ABCC4: variants seen among roughly 807,000 people sequenced by gnomAD.
ABCC4 encodes the protein ATP-binding cassette sub-family C member 4.
In ABCC4, 102 loss-of-function variants were observed where a neutral mutation model predicts 168.5. The ratio of observed to expected loss-of-function variants is 0.61; its 90% CI spans 0.52 to 0.71. The LOEUF is 0.71. ABCC4 is among the 30% of genes least tolerant of loss of function. The probability of loss-of-function intolerance (pLI) is 0.00; values close to 1 mark genes in which losing one functional copy is unlikely to be tolerated. For synonymous variants in ABCC4, 617 were observed against 590.7 expected (o/e 1.04, Z -0.65); for missense variants, 1,402 against 1,605.8 (o/e 0.87, Z 2.17).
At chr13:95,280,692 T>G (rs1367208724) in intron 1 of ABCC4, among the ~76,000 whole-genome samples, 1 of 151,890 alleles carries the variant, frequency 6.6e-6, no homozygotes, top group Admixed American at 6.6e-5. Context: ...TCATCCTTCC[T>G]GGAAGGGACT....
At chr13:95,189,496 A>G (rs2038188659) in intron 9 of ABCC4, among the ~76,000 whole-genome samples, 2 of 152,132 alleles carry the variant, frequency 1.3e-5, no homozygotes, top group South Asian at 4.1e-4. Flanking sequence ...TGGTTTTAAT[A>G]TTCTATTTCA....
chr13:95,189,734 A>G (rs1224542700), intron 9 of ABCC4, among the ~76,000 whole-genome samples: 1 of 152,154 alleles, frequency 6.6e-6, no homozygotes, highest in Admixed American at 6.5e-5. Flanking sequence ...CAATAACCAA[A>G]AACTGAAGAA....
At chr13:95,295,028 A>T (rs1304277072) in intron 1 of ABCC4, among the ~76,000 whole-genome samples, 1 of 152,188 alleles carries the variant, frequency 6.6e-6, no homozygotes, top group Non-Finnish European at 1.5e-5. Flanking sequence ...GAATAATCTA[A>T]ACCGCAGAGG....
chr13:95,236,161 C>G (rs757644344), intron 3 of ABCC4, among the ~76,000 whole-genome samples: 2 of 152,118 alleles, frequency 1.3e-5, no homozygotes, highest in Non-Finnish European at 2.9e-5. Context: ...CAACCTACTT[C>G]CTCCCTCTCG....
At chr13:95,041,789 T>C (rs530020854) in intron 29 of ABCC4, among the ~76,000 whole-genome samples, 11 of 152,330 alleles carry the variant, frequency 7.2e-5, no homozygotes, top group African/African-American at 2.6e-4. Context: ...TCAGAAGCTC[T>C]AGAATACAGG....
intron 1 of ABCC4, among the ~76,000 whole-genome samples, chr13:95,265,145 A>C (rs1189861854): frequency 6.6e-6 from 1 of 152,204 alleles, no homozygotes; most frequent in Non-Finnish European, 1.5e-5. Flanking sequence ...CTAAGATTAC[A>C]GGTGGGAACA....
chr13:95,196,847 A>G (rs1026440540), intron 8 of ABCC4, among the ~76,000 whole-genome samples: 2 of 152,182 alleles, frequency 1.3e-5, no homozygotes, highest in African/African-American at 4.8e-5. Context: ...TCCCTTCTCC[A>G]GCATCCCCCA....
chr13:95,253,413 A>G (rs1260181570), intron 1 of ABCC4, among the ~76,000 whole-genome samples: 1 of 151,994 alleles, frequency 6.6e-6, no homozygotes, highest in East Asian at 1.9e-4. Flanking sequence ...CATAGAAGGC[A>G]CCTAGATTTG....
chr13:95,272,205 C>T (rs756900766), intron 1 of ABCC4, among the ~76,000 whole-genome samples: 13 of 152,082 alleles, frequency 8.5e-5, no homozygotes, highest in Non-Finnish European at 1.5e-4. Context: ...CCAGCACACC[C>T]GGCTAATTTT....
intron 19 of ABCC4, among the ~76,000 whole-genome samples, chr13:95,132,212 AT>A (rs1452302898): frequency 1.3e-5 from 2 of 151,994 alleles, no homozygotes; most frequent in Non-Finnish European, 1.5e-5. Context: ...ATATAATTTT[AT>A]TTTTTATTTG....
At chr13:95,032,936 GGTTACA>G (rs2031947011) in intron 30 of ABCC4, among the ~76,000 whole-genome samples, 1 of 148,844 alleles carries the variant, frequency 6.7e-6, no homozygotes, top group Admixed American at 6.7e-5. Flanking sequence ...AAAGTGCTGG[GGTTACA>G]GGTGTGAGCC....
chr13:95,216,212 CAA>C (rs1429420611), intron 4 of ABCC4, among the ~76,000 whole-genome samples: 2 of 152,076 alleles, frequency 1.3e-5, no homozygotes, highest in African/African-American at 4.8e-5. Flanking sequence ...TTCAATGAAG[CAA>C]AGTTACCAGT....
chr13:95,124,519 T>C (rs1005385136), intron 19 of ABCC4, among the ~76,000 whole-genome samples: 5 of 142,918 alleles, frequency 3.5e-5, no homozygotes, highest in African/African-American at 1.1e-4. Flanking sequence ...ATCACGCTAA[T>C]GCACTCCAGA....
intron 1 of ABCC4, among the ~76,000 whole-genome samples, chr13:95,281,299 CAAAAAA>C (rs10541756): frequency 2.3e-4 from 11 of 48,710 alleles, no homozygotes; most frequent in African/African-American, 8.6e-4. Context: ...GAGACTCTCT[CAAAAAA>C]AAAAAAAAAA....
At position 95,194,762 on chromosome 13, in the gene ABCC4, C is replaced by T. The variant is rs2038362010; in HGVS notation, c.1263+74G>A. 6.5e-6 allele frequency: 8 copies of T among 1,226,924 alleles called. 1 individual carries two copies. The South Asian group carries it at 8.0e-5, about 12-fold the overall frequency. 76.0% of individuals were successfully genotyped at this position (1,226,924 alleles called of 1,614,324 possible). ...GCCATATTTTATACCATGTGTAACA[C>T]CTCAAAATTCTCTATTAAATCAATG... On this transcript the variant is annotated intron_variant, in intron 9 of 30. Coordinates refer to ENST00000645237, the MANE Select transcript of ABCC4 (RefSeq NM_005845.5).
chr13:95,218,884 C>G (rs1420641876), intron 4 of ABCC4, among the ~76,000 whole-genome samples: 3 of 87,230 alleles, frequency 3.4e-5, no homozygotes, highest in African/African-American at 1.9e-4. Context: ...AGAAAAGAGA[C>G]AGACAGATGA....
intron 25 of ABCC4, among the ~76,000 whole-genome samples, chr13:95,065,890 T>C (rs2033519976): frequency 6.6e-6 from 1 of 152,208 alleles, no homozygotes; most frequent in Non-Finnish European, 1.5e-5. Flanking sequence ...TTGCCAGCAG[T>C]ACATAAAATC....
At chr13:95,089,944 T>G (rs1453069723) in intron 20 of ABCC4, among the ~76,000 whole-genome samples, 1 of 151,228 alleles carries the variant, frequency 6.6e-6, no homozygotes, top group Admixed American at 6.6e-5. Context: ...AGGACTAGAT[T>G]GCAGCTCTGA....
Position 95,151,945 on chromosome 13 carries a change from G to C in ABCC4, c.2455+9244C>G, listed in dbSNP as rs540075126. Among the ~76,000 whole-genome samples the C allele has an allele frequency of 3.9e-5, 6 of 152,262 alleles. No individual in the cohort carries two copies. In the East Asian group the frequency reaches 9.6e-4, roughly 24 times the overall value. ...TCAATGTCTACTGATGATTTTAAAT[G>C]GATTAATTCCTCTCTTTACTTCTTA... On this transcript the variant is annotated intron_variant, in intron 19 of 30. Coordinates refer to ENST00000645237, the MANE Select transcript of ABCC4 (RefSeq NM_005845.5).
Sources: allele counts gnomAD v4.1 joint callset (sites outside exome capture counted in the v4.1 genomes callset), GRCh38; gene constraint gnomAD v4.1.1; transcripts MANE v1.5; gene names NCBI Gene and HGNC (gene_info 2026-07-23, HGNC 2026-07-21).